CCDC192: variants seen among roughly 807,000 people sequenced by gnomAD.
CCDC192 encodes coiled-coil domain containing 192.
At chr5:127,752,329 A>T (rs1003435122) in intron 2 of CCDC192, among the ~76,000 whole-genome samples, 3 of 151,954 alleles carry the variant, frequency 2.0e-5, no homozygotes, top group African/African-American at 7.3e-5. Flanking sequence ...TTTCCTTCTA[A>T]CAGACAGGAC....
At chr5:127,810,954 G>T (rs1561501771) in intron 5 of CCDC192, among the ~76,000 whole-genome samples, 1 of 152,162 alleles carries the variant, frequency 6.6e-6, no homozygotes, top group Non-Finnish European at 1.5e-5. Context: ...TCTGCTCCAT[G>T]TCCATGCCTA....
At chr5:127,895,302 C>T (rs1056442559) in intron 6 of CCDC192, among the ~76,000 whole-genome samples, 5 of 152,200 alleles carry the variant, frequency 3.3e-5, no homozygotes, top group Admixed American at 6.5e-5. Context: ...ATTCTGCTTA[C>T]TGACATTGCC....
chr5:127,852,818 G>C (rs917685326), intron 5 of CCDC192, among the ~76,000 whole-genome samples: 8 of 151,494 alleles, frequency 5.3e-5, no homozygotes, highest in Non-Finnish European at 1.5e-5. Flanking sequence ...TCCCTGGCCG[G>C]GTGCGGTGGC....
At chr5:127,855,843 G>C (rs1376743083) in intron 5 of CCDC192, among the ~76,000 whole-genome samples, 1 of 152,194 alleles carries the variant, frequency 6.6e-6, no homozygotes, top group Non-Finnish European at 1.5e-5. Context: ...TTTCTGAGCA[G>C]TGGGTCTCAA....
intron 6 of CCDC192, among the ~76,000 whole-genome samples, chr5:127,932,153 C>CA (rs571133232): frequency 0.07 from 5,024 of 72,080 alleles, 330 homozygotes; most frequent in African/African-American, 0.2. Context: ...GACTCCGTCT[C>CA]AAAAAAAAAA....
chr5:127,729,205 CT>C (rs1752500797), intron 2 of CCDC192, among the ~76,000 whole-genome samples: 2 of 151,468 alleles, frequency 1.3e-5, no homozygotes. Context: ...CTGAAACTGG[CT>C]GCAATCCTAG....
At chr5:127,768,344 T>A (rs1323082680) in intron 3 of CCDC192, among the ~76,000 whole-genome samples, 7 of 152,002 alleles carry the variant, frequency 4.6e-5, no homozygotes. Flanking sequence ...AAAATGAAAA[T>A]TTGGTCACAC....
At chr5:127,923,440 C>G (rs1753781500) in intron 6 of CCDC192, among the ~76,000 whole-genome samples, 1 of 150,666 alleles carries the variant, frequency 6.6e-6, no homozygotes, top group Non-Finnish European at 1.5e-5. Context: ...TGCAGTGGTG[C>G]CATCTTGGCT....
At chr5:127,836,548 G>C (rs1005179915) in intron 5 of CCDC192, among the ~76,000 whole-genome samples, 4 of 152,200 alleles carry the variant, frequency 2.6e-5, no homozygotes, top group Admixed American at 2.6e-4. Context: ...CCCTGAAACA[G>C]ACTTCTGCCT....
intron 6 of CCDC192, among the ~76,000 whole-genome samples, chr5:127,884,260 G>A (rs530946219): frequency 1.2e-4 from 17 of 147,474 alleles, no homozygotes; most frequent in South Asian, 2.2e-4. Flanking sequence ...GAAGAATGGC[G>A]TGAACCCGGG....
At chr5:127,902,428 GAACA>G (rs975546498) in intron 6 of CCDC192, among the ~76,000 whole-genome samples, 4 of 150,820 alleles carry the variant, frequency 2.7e-5, no homozygotes, top group South Asian at 2.1e-4. Context: ...AGAACAAAAT[GAACA>G]AACAAACAAA....
At chr5:127,880,679 C>G (rs559652785) in intron 6 of CCDC192, among the ~76,000 whole-genome samples, 1 of 151,466 alleles carries the variant, frequency 6.6e-6, no homozygotes, top group Non-Finnish European at 1.5e-5. Flanking sequence ...AGCTGGTGGT[C>G]AAGTTAAAAT....
intron 5 of CCDC192, 45 bp from the exon 6 acceptor site, chr5:127,875,493 C>T (rs1752038301): frequency 2.5e-6 from 1 of 394,338 alleles, no homozygotes. Flanking sequence ...TTCTTTGATG[C>T]GTCTGTCCCT....
At position 127,733,901 on chromosome 5, in the gene CCDC192, C is replaced by G. The variant is rs568461816; in HGVS notation, c.115-20367C>G. ...TATTTCCACCTGAGAATTTGTCAGC[C>G]ATGCCTTCACTAACTATATATATAT... On this transcript the variant is annotated intron_variant, in intron 2 of 6. Coordinates refer to ENST00000514853, the MANE Select transcript of CCDC192 (RefSeq NM_001317938.2). 7.3e-4 allele frequency among the ~76,000 whole-genome samples: 109 copies of G among 149,994 alleles called. 2 individuals are homozygous for G. The South Asian group carries it at 0.022, about 31-fold the overall frequency.
chr5:127,754,156 C>G lies in CCDC192; in HGVS notation c.115-112C>G, dbSNP rs1754422620. On this transcript the variant is annotated intron_variant, in intron 2 of 6. Coordinates refer to ENST00000514853, the MANE Select transcript of CCDC192 (RefSeq NM_001317938.2). ...AAGGGGAGGATTTGTGTGAGTTTATCAAGCCTATCATTGATAAACTCTTAT... is the reference window on the plus strand; with the variant it reads ...AAGGGGAGGATTTGTGTGAGTTTATGAAGCCTATCATTGATAAACTCTTAT... The G allele has an allele frequency of 1.5e-5, 6 of 391,782 alleles. No homozygotes were observed. In the East Asian group the frequency reaches 2.2e-4, roughly 14 times the overall value. 24.3% of individuals were successfully genotyped at this position (391,782 alleles called of 1,614,324 possible).
intron 6 of CCDC192, among the ~76,000 whole-genome samples, chr5:127,906,739 C>T (rs1249865846): frequency 6.6e-6 from 1 of 152,076 alleles, no homozygotes; most frequent in Non-Finnish European, 1.5e-5. Flanking sequence ...TGAGCCATGA[C>T]CACACCACTG....
intron 5 of CCDC192, among the ~76,000 whole-genome samples, chr5:127,831,379 C>CGT (rs368025620): frequency 6.6e-6 from 1 of 150,780 alleles, no homozygotes; most frequent in Non-Finnish European, 1.5e-5. Context: ...TATATGTGTG[C>CGT]GTGTGTGTGT....
At chr5:127,832,267 G>A (rs1407919479) in intron 5 of CCDC192, among the ~76,000 whole-genome samples, 3 of 152,140 alleles carry the variant, frequency 2.0e-5, no homozygotes, top group Non-Finnish European at 4.4e-5. Flanking sequence ...GTGAAAAATA[G>A]GAAGTCTTGC....
chr5:127,789,048 A>C (rs1756722509), intron 3 of CCDC192, among the ~76,000 whole-genome samples: 1 of 152,182 alleles, frequency 6.6e-6, no homozygotes, highest in Admixed American at 6.5e-5. Context: ...AAGACACTGA[A>C]TTTTTTGTCA....
Sources: gnomAD v4.1 joint callset for allele counts (sites outside exome capture counted in the v4.1 genomes callset) on GRCh38, gnomAD v4.1.1 for gene constraint, MANE v1.5 for transcripts, NCBI Gene and HGNC (gene_info 2026-07-23, HGNC 2026-07-21) for gene names.